Variants in VSNL1 observed in about 807,000 individuals in gnomAD.
VSNL1 encodes visinin-like protein 1.
VSNL1 carries 6 observed loss-of-function variants against 20.4 expected under a neutral mutation model. The observed-to-expected ratio is 0.29, with a 90% confidence interval of 0.16 to 0.58. The LOEUF (loss-of-function observed/expected upper bound fraction) is 0.58, where lower values mean the gene tolerates loss of function less well. Among genes scored for constraint, VSNL1 ranks in the 20% least tolerant of loss-of-function variants. The pLI, the probability that VSNL1 is intolerant of heterozygous loss-of-function variation, is 0.90. For missense variants in VSNL1, 100 were observed against 234.5 expected, an observed-to-expected ratio of 0.43 and a Z score of 3.75; for synonymous variants, 93 against 86.4, an observed-to-expected ratio of 1.08 and a Z score of -0.42.
In VSNL1 at chr2:17,634,588, T is replaced by C. The variant is rs73921011; in HGVS notation, c.163-14822T>C. ...AAATGAGGCTGAGGCAAAGCTTAGC[T>C]GTGCCCCTTCCCGTCCCCTGACACC... On this transcript the variant is annotated intron_variant, in intron 2 of 3. Transcript: ENST00000295156. This position sits in a 1 kb window ranked among gnomAD's most constrained non-coding sequence, Gnocchi z 4.3. Among the ~76,000 whole-genome samples, 2,038 of 152,338 alleles carry C rather than the reference T, an allele frequency of 0.013. 24 individuals carry two copies. Among genetic ancestry groups the C allele is most frequent in the East Asian group, 0.031 (163 of 5,186 alleles).
chr2:17,545,590 T>C (rs557205972), intron 1 of VSNL1, among the ~76,000 whole-genome samples: 84 of 152,288 alleles, frequency 5.5e-4, no homozygotes, highest in African/African-American at 2.0e-3. Flanking sequence ...GACCACATCA[T>C]TGCATTTCTC....
chr2:17,565,869 A>G (rs1266700792), intron 1 of VSNL1, among the ~76,000 whole-genome samples: 1 of 152,170 alleles, frequency 6.6e-6, no homozygotes, highest in Non-Finnish European at 1.5e-5. Context: ...ATGCTGTTCT[A>G]GTGATAGTGA....
At chr2:17,654,895 A>G (rs1264697302) in intron 3 of VSNL1, among the ~76,000 whole-genome samples, 2 of 152,152 alleles carry the variant, frequency 1.3e-5, no homozygotes, top group East Asian at 1.9e-4. Flanking sequence ...GAGACCTGTG[A>G]TGTGCCAGGC....
intron 2 of VSNL1, among the ~76,000 whole-genome samples, chr2:17,622,584 G>GAAAGAAAGAAAGAAAGA (rs1441994943): frequency 2.3e-5 from 3 of 127,918 alleles, no homozygotes; most frequent in African/African-American, 8.6e-5. Flanking sequence ...AAGAAAGAAA[G>GAAAGAAAGAAAGAAAGA]AAAGAAAGAA....
At chr2:17,579,407 GC>G (rs1436892832) in intron 1 of VSNL1, among the ~76,000 whole-genome samples, 1 of 151,980 alleles carries the variant, frequency 6.6e-6, no homozygotes, top group Non-Finnish European at 1.5e-5. Flanking sequence ...GAGCCACCGC[GC>G]CTGGCCACAA....
intron 1 of VSNL1, among the ~76,000 whole-genome samples, chr2:17,580,108 G>A (rs73919095): frequency 0.024 from 3,714 of 152,256 alleles, 165 homozygotes; most frequent in African/African-American, 0.085. Context: ...ATGTGAGATA[G>A]GAGAGAGCTT....
chr2:17,598,173 T>G (rs1256945718), intron 2 of VSNL1, among the ~76,000 whole-genome samples: 1 of 152,262 alleles, frequency 6.6e-6, no homozygotes, highest in African/African-American at 2.4e-5. Context: ...ATTGTGCCCC[T>G]GGGCTTAAAA....
At chr2:17,576,706 T>C (rs1664224070) in intron 1 of VSNL1, among the ~76,000 whole-genome samples, 1 of 152,228 alleles carries the variant, frequency 6.6e-6, no homozygotes, top group Non-Finnish European at 1.5e-5. Flanking sequence ...TTCCCTAAAC[T>C]GTGAATCTTT....
intron 1 of VSNL1, among the ~76,000 whole-genome samples, chr2:17,578,687 C>T (rs1664275485): frequency 6.6e-6 from 1 of 152,246 alleles, no homozygotes; most frequent in South Asian, 2.1e-4. Flanking sequence ...GTCAAACACA[C>T]CGGAAGGTCT....
intron 1 of VSNL1, among the ~76,000 whole-genome samples, chr2:17,564,654 A>G (rs1199248854): frequency 1.3e-5 from 2 of 152,234 alleles, no homozygotes; most frequent in East Asian, 3.8e-4. Flanking sequence ...GGCTGTGCCT[A>G]GTATCTGAAT....
At chr2:17,591,282 T>C (rs1391511683) in intron 1 of VSNL1, among the ~76,000 whole-genome samples, 1 of 152,234 alleles carries the variant, frequency 6.6e-6, no homozygotes, top group African/African-American at 2.4e-5. Flanking sequence ...AAGCCTGCTC[T>C]GTCTCCCTAC....
intron 1 of VSNL1, among the ~76,000 whole-genome samples, chr2:17,546,765 C>T (rs972628280): frequency 2.6e-5 from 4 of 151,980 alleles, no homozygotes; most frequent in Non-Finnish European, 5.9e-5. Context: ...GCACAAGGCT[C>T]ACTTTCAATT....
At chr2:17,644,318 G>C (rs1665948165) in intron 2 of VSNL1, among the ~76,000 whole-genome samples, 1 of 152,200 alleles carries the variant, frequency 6.6e-6, no homozygotes, top group Non-Finnish European at 1.5e-5. Context: ...CCACGTGAAG[G>C]CCTCAGCCCC....
rs571167399 is a variant in VSNL1, at chr2:17,638,547, G to C, written c.163-10863G>C. On this transcript the variant is annotated intron_variant, in intron 2 of 3. Coordinates refer to ENST00000295156, the MANE Select transcript of VSNL1 (RefSeq NM_003385.5). ...CCAGTAAGTGGCATGATTGGAACCT[G>C]GACTCATGCACACTGAGCCTGCTCC... Among the ~76,000 whole-genome samples, 5 of 152,228 alleles carry C rather than the reference G, an allele frequency of 3.3e-5. No homozygotes were observed. In the East Asian group the frequency reaches 9.7e-4, roughly 30 times the overall value.
At chr2:17,644,870 C>T (rs763652529) in intron 2 of VSNL1, among the ~76,000 whole-genome samples, 3 of 152,204 alleles carry the variant, frequency 2.0e-5, no homozygotes, top group Non-Finnish European at 2.9e-5. Context: ...GGGGAGATAA[C>T]CTTGGAGGTT....
In VSNL1 at chr2:17,649,661, C is replaced by T. The variant is rs1666081991; in HGVS notation, c.378+36C>T. 2 of 1,605,096 alleles carry T rather than the reference C, an allele frequency of 1.2e-6. No individual in the cohort carries two copies. The highest frequency in any genetic ancestry group is 1.3e-5 in the African/African-American group (1 of 74,708). On this transcript the variant is annotated intron_variant, in intron 3 of 3. Coordinates refer to ENST00000295156, the MANE Select transcript of VSNL1 (RefSeq NM_003385.5). This position sits in a 1 kb window ranked among gnomAD's most constrained non-coding sequence, Gnocchi z 6.4. ...GGGTGTGGTTGGCGGGTGGTGGGCACAGAAGGAGACCCCACGGCAGCCTCC... is the reference window on the plus strand; with the variant it reads ...GGGTGTGGTTGGCGGGTGGTGGGCATAGAAGGAGACCCCACGGCAGCCTCC...
chr2:17,610,120 T>C (rs1665050312), intron 2 of VSNL1, among the ~76,000 whole-genome samples: 1 of 152,212 alleles, frequency 6.6e-6, no homozygotes, highest in Non-Finnish European at 1.5e-5. Context: ...GCGTGAGAGA[T>C]GCTGAAACAC....
chr2:17,560,692 T>C (rs1663793293), intron 1 of VSNL1, among the ~76,000 whole-genome samples: 1 of 152,154 alleles, frequency 6.6e-6, no homozygotes, highest in Non-Finnish European at 1.5e-5. Context: ...AATCTAGATA[T>C]AGTGGGAAAT....
At chr2:17,636,968 G>C (rs1357962973) in intron 2 of VSNL1, among the ~76,000 whole-genome samples, 1 of 152,194 alleles carries the variant, frequency 6.6e-6, no homozygotes, top group African/African-American at 2.4e-5. Flanking sequence ...CTGATTTACA[G>C]GCAGAGAAAC....
Sources: gnomAD v4.1 joint callset for allele counts (sites outside exome capture counted in the v4.1 genomes callset) on GRCh38, gnomAD v4.1.1 for gene constraint, Gnocchi (gnomAD v3.1) non-coding constraint, MANE v1.5 for transcripts, NCBI Gene and HGNC (gene_info 2026-07-23, HGNC 2026-07-21) for gene names.